UBE2M: variants seen among roughly 807,000 people sequenced by gnomAD.
The protein encoded by UBE2M is NEDD8-conjugating enzyme Ubc12.
Under a neutral mutation model 23.5 loss-of-function variants are expected in UBE2M, and 2 were observed. The observed-to-expected ratio is 0.09, with a 90% CI of 0.03 to 0.27. The LOEUF (loss-of-function observed/expected upper bound fraction) is 0.27. Ranked by LOEUF, UBE2M falls within the 10% of genes least tolerant of loss-of-function variation. UBE2M has a pLI of 1.00. For missense variants in UBE2M, 103 were observed against 232.9 expected (o/e 0.44, Z 3.63); for synonymous variants, 97 against 95.2 (o/e 1.02, Z -0.11).
In UBE2M at chr19:58,557,167, G is replaced by T; in HGVS notation, c.110-10C>A. On this transcript the variant is annotated splice_polypyrimidine_tract_variant and intron_variant, in intron 1 of 5. Coordinates refer to ENST00000253023, the MANE Select transcript of UBE2M (RefSeq NM_003969.4). ...TTCAGCTCGTTTATGTCTGGGTTTG[G>T]GTAGCAGAGAGTCGGGAACAGAAAG... is the stretch of plus-strand genomic sequence containing the variant. 2 of 1,613,640 alleles carry T rather than the reference G, an allele frequency of 1.2e-6. No homozygotes were observed. The highest frequency in any genetic ancestry group is 2.2e-5 in the East Asian group (1 of 44,866).
Position 58,557,141 on chromosome 19 carries a change from G to A in UBE2M, c.126C>T (p.Asn42=). The part of the protein sequence containing the change: ...LRIQKDINEL[N]LPKTCDISFS... ...AGCTGATATCACACGTCTTGGGCAG[G>A]TTCAGCTCGTTTATGTCTGGGTTTG... Residue 42 remains asparagine (N), a synonymous_variant, in exon 2 of 6, where the codon AAC becomes AAT. Transcript: ENST00000253023. 1.2e-6 allele frequency: 2 copies of A among 1,613,970 alleles called. No homozygotes were observed. Among genetic ancestry groups the A allele is most frequent in the Non-Finnish European group, 1.7e-6 (2 of 1,179,962 alleles).
At position 58,556,243 on chromosome 19, in the gene UBE2M, A is replaced by G; in HGVS notation, c.412-14T>C. On this transcript the variant is annotated splice_polypyrimidine_tract_variant and intron_variant, in intron 5 of 5. Transcript: ENST00000253023. The surrounding 1 kb of genome is among the most constrained non-coding windows in gnomAD (Gnocchi z 4.9). ...GGGGTTGGGCTCCTGTGGCCAGTAC[A>G]GGTAGGGGGGGTCAACAGGCCAGAG... 3 of 1,613,832 alleles carry G rather than the reference A, an allele frequency of 1.9e-6. No homozygotes were observed. Among genetic ancestry groups the G allele is most frequent in the Non-Finnish European group, 2.5e-6 (3 of 1,179,748 alleles).
Position 58,555,826 on chromosome 19 carries a change from G to A in UBE2M, c.*263C>T. 1 of 525,232 alleles carries A rather than the reference G, an allele frequency of 1.9e-6. No homozygotes were observed. Among genetic ancestry groups the A allele is most frequent in the South Asian group, 2.2e-5 (1 of 46,168 alleles). The allele number at this position is 525,232 out of a possible 1,614,324, so 32.5% of individuals were successfully genotyped here. ...ACCCACTCCACAGCCCAGAGTGGGG[G>A]CTGAACAAGCACCCAGCAGGGGGGC... On this transcript the variant is annotated 3_prime_UTR_variant, in exon 6 of 6. Transcript: ENST00000253023.
At position 58,556,479 on chromosome 19, in the gene UBE2M, G is replaced by T; in HGVS notation, c.348-100C>A. 1.5e-6 allele frequency: 2 copies of T among 1,322,596 alleles called. No homozygotes were observed. The highest frequency in any genetic ancestry group is 2.1e-6 in the Non-Finnish European group (2 of 937,224). The allele number at this position is 1,322,596 out of a possible 1,614,324, so 81.9% of individuals were successfully genotyped here. ...TCAGATCCAGGGCATAGGAGAGTGA[G>T]CATGTGAGAGGCTGGGAGGGAGGGT... On this transcript the variant is annotated intron_variant, in intron 4 of 5. Transcript: ENST00000253023. This position sits in a 1 kb window ranked among gnomAD's most constrained non-coding sequence, Gnocchi z 4.9.
At position 58,556,272 on chromosome 19, in the gene UBE2M, C is replaced by G. The variant is rs1445217925; in HGVS notation, c.412-43G>C. The G allele has an allele frequency of 4.3e-6, 7 of 1,613,914 alleles. No homozygotes were observed. The highest frequency in any genetic ancestry group is 1.3e-5 in the African/African-American group (1 of 74,906). ...AGGGGGGGTCAACAGGCCAGAGGGA[C>G]AGAAGGCCAATCTCCCCAGACCCAA... On this transcript the variant is annotated intron_variant, in intron 5 of 5. Transcript: ENST00000253023. This position sits in a 1 kb window ranked among gnomAD's most constrained non-coding sequence, Gnocchi z 4.9.
At position 58,556,361 on chromosome 19, in the gene UBE2M, G is replaced by T. The variant is rs1312881268; in HGVS notation, c.366C>A (p.Val122=). ...CATAAATTATGGAGTTTATCGTAAG[G>T]ACTGGCTTCCAGTCCTCTCTGTGGA... ...LNILREDWKP[V]LTINSIIYGL... The change falls in exon 5 of 6, where the codon GTC becomes GTA. Residue 122 remains valine, a synonymous_variant. Transcript: ENST00000253023. This position sits in a 1 kb window ranked among gnomAD's most constrained non-coding sequence, Gnocchi z 4.9. The T allele has an allele frequency of 6.2e-7, 1 of 1,614,016 alleles. No individual in the cohort carries two copies. The highest frequency in any genetic ancestry group is 8.5e-7 in the Non-Finnish European group (1 of 1,180,014).
rs940002936 is a variant in UBE2M at position 58,556,026 on chromosome 19, C to A, written c.*63G>T. ...CCCCCAAACCCCTACCCATGGCCCC[C>A]AATAAATATTTGCAGGGGATGCCAG... On this transcript the variant is annotated 3_prime_UTR_variant, in exon 6 of 6. Coordinates refer to ENST00000253023, the MANE Select transcript of UBE2M (RefSeq NM_003969.4). This position sits in a 1 kb window ranked among gnomAD's most constrained non-coding sequence, Gnocchi z 4.9. 19 of 1,570,980 alleles carry A rather than the reference C, an allele frequency of 1.2e-5. No homozygotes were observed. In the African/African-American group the frequency reaches 2.4e-4, roughly 20 times the overall value.
At chr19:58,557,655 C>T (rs560856950) in intron 1 of UBE2M, among the ~76,000 whole-genome samples, 29 of 151,616 alleles carry the variant, frequency 1.9e-4, no homozygotes, top group Admixed American at 1.5e-3. Context: ...CCCCAACCCC[C>T]GCCACCCTAC....
chr19:58,556,562 G>C lies in UBE2M; in HGVS notation c.347+125C>G. 1 of 1,103,238 alleles carries C rather than the reference G, an allele frequency of 9.1e-7. No individual in the cohort carries two copies. The highest frequency in any genetic ancestry group is 1.6e-5 in the African/African-American group (1 of 63,070). The allele number at this position is 1,103,238 out of a possible 1,614,324, so 68.3% of individuals were successfully genotyped here. On this transcript the variant is annotated intron_variant, in intron 4 of 5. Transcript: ENST00000253023. The surrounding 1 kb of genome is among the most constrained non-coding windows in gnomAD (Gnocchi z 4.9). ...GTCAGGCCATGAGGAAGATGACTGG[G>C]AAATCAAGAAACCACAGACAACAAA...
At position 58,555,979 on chromosome 19, in the gene UBE2M, A is replaced by T; in HGVS notation, c.*110T>A. ...CAGGAAGGGGAGGCAAGGCCAAGGC[A>T]GGGGATTCCCCCACCGGCCGCCCCC... is the stretch of plus-strand genomic sequence containing the variant. On this transcript the variant is annotated 3_prime_UTR_variant, in exon 6 of 6. Transcript: ENST00000253023. 6.9e-7 allele frequency: 1 copy of T among 1,443,606 alleles called. No individual in the cohort carries two copies. The allele number at this position is 1,443,606 out of a possible 1,614,324, so 89.4% of individuals were successfully genotyped here.
Position 58,558,215 on chromosome 19 carries a change from C to G in UBE2M, c.109+58G>C. The stretch of plus-strand genomic sequence containing the variant: ...TACCCCTTCCTGACTCCCACATCAC[C>G]CTGCCTCAGGCCCTGACCTCCGACC... On this transcript the variant is annotated intron_variant, in intron 1 of 5. Transcript: ENST00000253023. The surrounding 1 kb of genome is among the most constrained non-coding windows in gnomAD (Gnocchi z 4.7). The G allele has an allele frequency of 6.8e-7, 1 of 1,469,732 alleles. No homozygotes were observed. The highest frequency in any genetic ancestry group is 9.3e-7 in the Non-Finnish European group (1 of 1,078,104). The allele number at this position is 1,469,732 out of a possible 1,614,324, so 91.0% of individuals were successfully genotyped here. A position where few individuals can be genotyped will look rare whatever the true frequency, so the allele number is the denominator to read the frequency against.
rs2053886068 is a variant in UBE2M at position 58,555,878 on chromosome 19, C to T, written c.*211G>A. The T allele has an allele frequency of 8.0e-6, 5 of 627,920 alleles. No individual in the cohort carries two copies. Among genetic ancestry groups the T allele is most frequent in the South Asian group, 2.0e-5 (1 of 49,704 alleles). 38.9% of individuals were successfully genotyped at this position (627,920 alleles called of 1,614,324 possible). On this transcript the variant is annotated 3_prime_UTR_variant, in exon 6 of 6. Coordinates refer to ENST00000253023, the MANE Select transcript of UBE2M (RefSeq NM_003969.4). ...AGACAAGCCAATTCATTTCCCATCG[C>T]TGAGTGGGTCGGGGGAGGCAGCGCC...
Position 58,556,104 on chromosome 19 carries a change from C to T in UBE2M, c.537G>A (p.Glu179=), listed in dbSNP as rs777849952. The T allele has an allele frequency of 1.9e-6, 3 of 1,610,968 alleles. No individual in the cohort carries two copies. The South Asian group carries it at 3.3e-5, about 18-fold the overall frequency. ...TGCGCCAACCCTATTTCAGGCAGCG[C>T]TCAAAGTAGGTGGAGCCGATGTAGC... The part of the protein sequence containing the change: ...RGGYIGSTYF[E]RCLK Residue 179 remains glutamate, a synonymous_variant, in exon 6 of 6, where the codon GAG becomes GAA. Coordinates refer to ENST00000253023, the MANE Select transcript of UBE2M (RefSeq NM_003969.4). The surrounding 1 kb of genome is among the most constrained non-coding windows in gnomAD (Gnocchi z 4.9).
In UBE2M at chr19:58,558,463, T is replaced by C. The variant is rs2053908013; in HGVS notation, c.-82A>G. On this transcript the variant is annotated 5_prime_UTR_variant, in exon 1 of 6. Transcript: ENST00000253023. The surrounding 1 kb of genome is among the most constrained non-coding windows in gnomAD (Gnocchi z 4.7). ...GCCCCCCGCCGCCGCCCGCGTCGCC[T>C]CCGCTCCTCGGACCCGCAGCTGCGG... is the stretch of plus-strand genomic sequence containing the variant. 1 of 733,640 alleles carries C rather than the reference T, an allele frequency of 1.4e-6. No individual in the cohort carries two copies. The allele number at this position is 733,640 out of a possible 1,614,324, so 45.4% of individuals were successfully genotyped here.
In UBE2M at chr19:58,556,024, C is replaced by T. The variant is rs544474838; in HGVS notation, c.*65G>A. The T allele has an allele frequency of 9.6e-6, 15 of 1,568,164 alleles. No individual in the cohort carries two copies. The highest frequency in any genetic ancestry group is 1.2e-5 in the Non-Finnish European group (14 of 1,150,744). ...GCCCCCCAAACCCCTACCCATGGCC[C>T]CCAATAAATATTTGCAGGGGATGCC... is the stretch of plus-strand genomic sequence containing the variant. On this transcript the variant is annotated 3_prime_UTR_variant, in exon 6 of 6. Transcript: ENST00000253023. The surrounding 1 kb of genome is among the most constrained non-coding windows in gnomAD (Gnocchi z 4.9).
Position 58,556,456 on chromosome 19 carries a change from A to T in UBE2M, c.348-77T>A. Reference sequence around the variant, plus strand: ...AGGCCCCTCTGGTGTTGGGCAGGTCAGATCCAGGGCATAGGAGAGTGAGCA... The same window carrying T: ...AGGCCCCTCTGGTGTTGGGCAGGTCTGATCCAGGGCATAGGAGAGTGAGCA... On this transcript the variant is annotated intron_variant, in intron 4 of 5. Coordinates refer to ENST00000253023, the MANE Select transcript of UBE2M (RefSeq NM_003969.4). The surrounding 1 kb of genome is among the most constrained non-coding windows in gnomAD (Gnocchi z 4.9). 6.7e-7 allele frequency: 1 copy of T among 1,486,466 alleles called. No homozygotes were observed. Among genetic ancestry groups the T allele is most frequent in the Non-Finnish European group, 9.3e-7 (1 of 1,072,744 alleles). 92.1% of individuals were successfully genotyped at this position (1,486,466 alleles called of 1,614,324 possible).
rs2053905122 is a variant in UBE2M, at chr19:58,558,153, C to T, written c.109+120G>A. On this transcript the variant is annotated intron_variant, in intron 1 of 5. Coordinates refer to ENST00000253023, the MANE Select transcript of UBE2M (RefSeq NM_003969.4). The surrounding 1 kb of genome is among the most constrained non-coding windows in gnomAD (Gnocchi z 4.7). ...GACTTGACCTCCGACCCCCCCCACG[C>T]TCGGGGCCCTTCACCTCTGACCCTC... is the stretch of plus-strand genomic sequence containing the variant. The T allele has an allele frequency of 1.3e-6, 1 of 788,292 alleles. No homozygotes were observed. Among genetic ancestry groups the T allele is most frequent in the African/African-American group, 1.9e-5 (1 of 53,576 alleles). 48.8% of individuals were successfully genotyped at this position (788,292 alleles called of 1,614,324 possible).
Position 58,556,304 on chromosome 19 carries a change from A to G in UBE2M, c.411+12T>C, listed in dbSNP as rs114089020. 5,747 of 1,614,078 alleles carry G rather than the reference A, an allele frequency of 3.6e-3. 160 individuals carry two copies. The African/African-American group carries it at 0.065, about 18-fold the overall frequency. On this transcript the variant is annotated intron_variant, in intron 5 of 5. Transcript: ENST00000253023. The surrounding 1 kb of genome is among the most constrained non-coding windows in gnomAD (Gnocchi z 4.9). ...CCAATCTCCCCAGACCCAACCACCT[A>G]TTCCTACTCACCAAGAAGAGATACT...
chr19:58,557,724 G>C (rs994826590), intron 1 of UBE2M, among the ~76,000 whole-genome samples: 3 of 135,102 alleles, frequency 2.2e-5, no homozygotes, highest in African/African-American at 8.6e-5. Context: ...CCTCACCCCT[G>C]TCTCCAATCC....
Sources: gnomAD v4.1 joint callset for allele counts (sites outside exome capture counted in the v4.1 genomes callset) on GRCh38, gnomAD v4.1.1 for gene constraint, Gnocchi (gnomAD v3.1) non-coding constraint, MANE v1.5 for transcripts, NCBI Gene and HGNC (gene_info 2026-07-23, HGNC 2026-07-21) for gene names.